ADGRL3: variants seen among roughly 807,000 people sequenced by gnomAD.
ADGRL3 encodes calcium-independent alpha-latrotoxin receptor 3.
In ADGRL3, 62 loss-of-function variants were observed where a neutral mutation model predicts 153.5. The observed-to-expected ratio is 0.40, with a 90% CI of 0.33 to 0.50. The LOEUF (loss-of-function observed/expected upper bound fraction) is 0.50, where lower values mean the gene tolerates loss of function less well. Ranked by LOEUF, ADGRL3 falls within the 20% of genes least tolerant of loss-of-function variation. The pLI, the probability that ADGRL3 is intolerant of heterozygous loss-of-function variation, is 0.47. For missense variants in ADGRL3, 1,641 were observed against 1,859.4 expected, an observed-to-expected ratio of 0.88 and a Z score of 2.16; for synonymous variants, 710 against 672.5, an observed-to-expected ratio of 1.06 and a Z score of -0.86.
intron 5 of ADGRL3, among the ~76,000 whole-genome samples, chr4:61,640,205 T>TTA (rs1430777414): frequency 1.3e-5 from 2 of 150,732 alleles, no homozygotes; most frequent in African/African-American, 4.9e-5. Context: ...CAAGAGGAAA[T>TTA]AATAGAGTAT....
intron 1 of ADGRL3, among the ~76,000 whole-genome samples, chr4:61,236,822 C>T (rs900149970): frequency 1.3e-5 from 2 of 151,976 alleles, no homozygotes; most frequent in South Asian, 2.1e-4. Context: ...AAGTTTTCTC[C>T]ACGTGGTATA....
chr4:62,043,671 C>T (rs907686113), intron 24 of ADGRL3, among the ~76,000 whole-genome samples: 1 of 151,962 alleles, frequency 6.6e-6, no homozygotes, highest in Admixed American at 6.6e-5. Flanking sequence ...GTTTCTTCCT[C>T]ACAAGATTGT....
intron 17 of ADGRL3, among the ~76,000 whole-genome samples, chr4:61,973,098 A>G (rs2099035072): frequency 1.3e-5 from 2 of 152,094 alleles, no homozygotes; most frequent in South Asian, 2.1e-4. Context: ...AATGAAAACT[A>G]TTTTAAGATC....
intron 7 of ADGRL3, among the ~76,000 whole-genome samples, chr4:61,732,114 T>C (rs544210233): frequency 3.7e-4 from 56 of 152,122 alleles, no homozygotes; most frequent in Non-Finnish European, 7.1e-4. Context: ...CTTTCCTTAT[T>C]CCTTCTTTCC....
intron 2 of ADGRL3, among the ~76,000 whole-genome samples, chr4:61,437,294 T>C (rs1320956013): frequency 6.6e-6 from 1 of 152,190 alleles, no homozygotes; most frequent in Non-Finnish European, 1.5e-5. Flanking sequence ...AAAAAAAATT[T>C]AGGCTACCTG....
chr4:61,746,029 G>A (rs186008648), intron 8 of ADGRL3, among the ~76,000 whole-genome samples: 1,747 of 151,484 alleles, frequency 0.012, 53 homozygotes, highest in African/African-American at 0.04. Flanking sequence ...CAAACAAATG[G>A]AAAACAAAAA....
chr4:61,468,357 G>A (rs1056366103), intron 2 of ADGRL3, among the ~76,000 whole-genome samples: 1 of 152,108 alleles, frequency 6.6e-6, no homozygotes, highest in African/African-American at 2.4e-5. Flanking sequence ...CTCAGTGTGA[G>A]GTGCAGCTGG....
At chr4:61,438,727 A>T (rs1320126941) in intron 2 of ADGRL3, among the ~76,000 whole-genome samples, 33 of 65,158 alleles carry the variant, frequency 5.1e-4, no homozygotes, top group African/African-American at 1.7e-3. Flanking sequence ...TTTTTTTTTT[A>T]GACGGAGTCT....
intron 4 of ADGRL3, among the ~76,000 whole-genome samples, chr4:61,578,932 C>A (rs1487421251): frequency 6.6e-6 from 1 of 152,112 alleles, no homozygotes; most frequent in Non-Finnish European, 1.5e-5. Flanking sequence ...TTCTTAGTAT[C>A]CATCTTCTGG....
chr4:61,827,200 G>C (rs899596863), intron 9 of ADGRL3, among the ~76,000 whole-genome samples: 1 of 152,186 alleles, frequency 6.6e-6, no homozygotes, highest in African/African-American at 2.4e-5. Flanking sequence ...ACTGCTAACG[G>C]ATAACCAATG....
At chr4:62,040,122 A>T (rs1727396063) in intron 24 of ADGRL3, among the ~76,000 whole-genome samples, 2 of 152,170 alleles carry the variant, frequency 1.3e-5, no homozygotes, top group Middle Eastern at 3.4e-3. Flanking sequence ...CAGTTTTTCC[A>T]TCTGTAAAAT....
intron 1 of ADGRL3, among the ~76,000 whole-genome samples, chr4:61,281,635 T>C (rs1003197892): frequency 6.6e-6 from 1 of 152,106 alleles, no homozygotes; most frequent in Non-Finnish European, 1.5e-5. Context: ...CTAGATGCCT[T>C]ATCGCCATGA....
At chr4:61,774,703 T>G (rs1209225279) in intron 8 of ADGRL3, among the ~76,000 whole-genome samples, 1 of 152,126 alleles carries the variant, frequency 6.6e-6, no homozygotes, top group Non-Finnish European at 1.5e-5. Flanking sequence ...TTCATATAAT[T>G]TGTATTGCAG....
intron 2 of ADGRL3, among the ~76,000 whole-genome samples, chr4:61,453,938 T>G (rs1233946467): frequency 6.6e-6 from 1 of 152,038 alleles, no homozygotes; most frequent in Non-Finnish European, 1.5e-5. Context: ...ATTTTAATAT[T>G]ATATATATAA....
At chr4:61,812,369 A>G (rs1247646868) in intron 8 of ADGRL3, among the ~76,000 whole-genome samples, 1 of 152,192 alleles carries the variant, frequency 6.6e-6, no homozygotes, top group African/African-American at 2.4e-5. Flanking sequence ...GAGCCATATT[A>G]ATTATTTGAA....
At chr4:61,558,504 T>A (rs1017151217) in intron 4 of ADGRL3, among the ~76,000 whole-genome samples, 1 of 151,896 alleles carries the variant, frequency 6.6e-6, no homozygotes, top group Non-Finnish European at 1.5e-5. Context: ...CTCTTTCTCT[T>A]TTTAGAGATC....
At chr4:61,496,199 G>C (rs549312927) in intron 2 of ADGRL3, among the ~76,000 whole-genome samples, 4 of 76,656 alleles carry the variant, frequency 5.2e-5, no homozygotes, top group African/African-American at 1.6e-4. Context: ...ATTGCAGCCT[G>C]AGATGAAAGT....
intron 1 of ADGRL3, among the ~76,000 whole-genome samples, chr4:61,362,254 C>T (rs1048737726): frequency 4.6e-5 from 7 of 151,174 alleles, no homozygotes; most frequent in East Asian, 1.9e-4. Context: ...CTGCCTTCCT[C>T]GGCCTCCCAA....
Position 61,926,866 on chromosome 4 carries a change from A to G in ADGRL3, c.2113-7974A>G, listed in dbSNP as rs567747210. ...TACCAATCTTGCCACTGAACCCCTT[A>G]TACTCTCTGCTCTACCATAAGGAAT... On this transcript the variant is annotated intron_variant, in intron 13 of 26. Coordinates refer to ENST00000683033, the MANE Select transcript of ADGRL3 (RefSeq NM_001387552.1). Among the ~76,000 whole-genome samples, 13 of 152,218 alleles carry G rather than the reference A, an allele frequency of 8.5e-5. No homozygotes were observed. In the South Asian group the frequency reaches 2.7e-3, roughly 32 times the overall value.
Sources: gnomAD v4.1 joint callset for allele counts (sites outside exome capture counted in the v4.1 genomes callset) on GRCh38, gnomAD v4.1.1 for gene constraint, MANE v1.5 for transcripts, NCBI Gene and HGNC (gene_info 2026-07-23, HGNC 2026-07-21) for gene names.